NEK11: variants seen among roughly 807,000 people sequenced by gnomAD.
The protein encoded by NEK11 is NIMA related kinase 11, also known as serine/threonine-protein kinase Nek11.
NEK11 carries 72 observed loss-of-function variants against 80.7 expected under a neutral mutation model. That is an observed-to-expected ratio of 0.89 (90% CI 0.74 to 1.08). NEK11 has a LOEUF of 1.08. NEK11 is among the 50% of genes least tolerant of loss of function. The probability of loss-of-function intolerance (pLI) is 0.00; values close to 1 mark genes in which losing one functional copy is unlikely to be tolerated. For missense variants in NEK11, 764 were observed against 763.6 expected (o/e 1.00, Z -0.01); for synonymous variants, 251 against 260.7 (o/e 0.96, Z 0.36).
At chr3:131,216,973 G>T (rs2094858856) in intron 14 of NEK11, among the ~76,000 whole-genome samples, 1 of 152,264 alleles carries the variant, frequency 6.6e-6, no homozygotes, top group East Asian at 1.9e-4. Flanking sequence ...TATCATAAAA[G>T]GGGATGAGTC....
chr3:131,054,741 C>A (rs944946846), intron 3 of NEK11, among the ~76,000 whole-genome samples: 1 of 145,776 alleles, frequency 6.9e-6, no homozygotes, highest in Non-Finnish European at 1.5e-5. Context: ...TGGGTGACAG[C>A]CTGCCTCTAA....
chr3:131,059,676 A>G (rs2070439036), intron 3 of NEK11, among the ~76,000 whole-genome samples: 1 of 152,186 alleles, frequency 6.6e-6, no homozygotes, highest in Admixed American at 6.5e-5. Flanking sequence ...TCCCATTTGC[A>G]TTGACAGATG....
chr3:131,139,879 G>A (rs568778110), intron 7 of NEK11, among the ~76,000 whole-genome samples: 2 of 152,336 alleles, frequency 1.3e-5, no homozygotes, highest in East Asian at 1.9e-4. Flanking sequence ...GCACTTTGTA[G>A]CGAGGAGCAT....
chr3:131,163,152 A>G (rs1165995354), intron 11 of NEK11, among the ~76,000 whole-genome samples: 1 of 152,264 alleles, frequency 6.6e-6, no homozygotes, highest in Admixed American at 6.5e-5. Context: ...GTAAATCAGT[A>G]CAGCCATTAT....
intron 17 of NEK11, among the ~76,000 whole-genome samples, chr3:131,287,619 C>T (rs1048545316): frequency 3.9e-5 from 6 of 151,952 alleles, no homozygotes; most frequent in Non-Finnish European, 7.4e-5. Flanking sequence ...TTTTTAAGGC[C>T]CCGGGGATAT....
At chr3:131,122,882 A>G (rs1382719621) in intron 5 of NEK11, among the ~76,000 whole-genome samples, 1 of 152,202 alleles carries the variant, frequency 6.6e-6, no homozygotes, top group Non-Finnish European at 1.5e-5. Context: ...AATTTGAACC[A>G]GAAACTGTCA....
intron 17 of NEK11, among the ~76,000 whole-genome samples, chr3:131,289,696 C>A (rs963307378): frequency 7.9e-5 from 12 of 152,200 alleles, no homozygotes; most frequent in Non-Finnish European, 1.8e-4. Flanking sequence ...GTCTCAGGTT[C>A]TAGGTGGTGT....
chr3:131,260,734 T>C (rs1177210290), intron 16 of NEK11, among the ~76,000 whole-genome samples: 1 of 152,188 alleles, frequency 6.6e-6, no homozygotes, highest in Admixed American at 6.6e-5. Flanking sequence ...GGATATACTT[T>C]TGCAATAATT....
At chr3:131,143,322 T>C (rs2087390709) in intron 7 of NEK11, among the ~76,000 whole-genome samples, 1 of 152,164 alleles carries the variant, frequency 6.6e-6, no homozygotes, top group African/African-American at 2.4e-5. Context: ...TCTTCTGTTC[T>C]CATGTCCCTT....
In NEK11 at chr3:131,136,140, C is replaced by T. The variant is rs115789388; in HGVS notation, c.647+2184C>T. 3.5e-3 allele frequency among the ~76,000 whole-genome samples: 525 copies of T among 152,128 alleles called. 1 individual carries two copies. The highest frequency in any genetic ancestry group is 0.012 in the African/African-American group (497 of 41,512). The stretch of plus-strand genomic sequence containing the variant: ...TTTCTCTGAGCATTAGGTTAGCTCT[C>T]CTTGCAGAGATTAACTTTTCAGCAA... On this transcript the variant is annotated intron_variant, in intron 7 of 17. Transcript: ENST00000383366.
chr3:131,076,600 G>A (rs757227802), intron 3 of NEK11, among the ~76,000 whole-genome samples: 7 of 152,136 alleles, frequency 4.6e-5, no homozygotes, highest in Non-Finnish European at 7.4e-5. Context: ...AAAATCCAAA[G>A]CCAAAAAGTT....
intron 12 of NEK11, 39 bp from the exon 13 acceptor site, chr3:131,168,790 GA>G: frequency 6.7e-7 from 1 of 1,500,946 alleles, no homozygotes; most frequent in African/African-American, 1.4e-5. Flanking sequence ...GAAAGACTTG[GA>G]AAACCACTGC....
At chr3:131,062,452 A>G (rs1050379762) in intron 3 of NEK11, among the ~76,000 whole-genome samples, 1 of 152,202 alleles carries the variant, frequency 6.6e-6, no homozygotes, top group Non-Finnish European at 1.5e-5. Context: ...TATAGACAAT[A>G]AAAGATACCC....
chr3:131,316,008 T>G (rs1328683801), intron 17 of NEK11, among the ~76,000 whole-genome samples: 1 of 152,164 alleles, frequency 6.6e-6, no homozygotes, highest in Non-Finnish European at 1.5e-5. Context: ...ATAAATATTT[T>G]TATGGCTTTC....
At chr3:131,297,039 A>G (rs967339308) in intron 17 of NEK11, among the ~76,000 whole-genome samples, 5 of 151,982 alleles carry the variant, frequency 3.3e-5, no homozygotes. Context: ...TATGTGCCAC[A>G]TTTTCTTAAT....
intron 14 of NEK11, among the ~76,000 whole-genome samples, chr3:131,185,492 G>A (rs535911386): frequency 9.9e-5 from 15 of 152,230 alleles, no homozygotes; most frequent in South Asian, 4.1e-4. Context: ...TTCCCATAGA[G>A]GAATCCCATA....
rs2096848041 is a variant in NEK11, at chr3:131,317,063, G to GAAA, written c.1719-32494_1719-32493insAAA. On this transcript the variant is annotated intron_variant, in intron 17 of 17. Transcript: ENST00000383366. ...AACTATTTTAATGCTGGGCCTTTAG[G>GAAA]CAATAATTTCCTTTTTGTTCATCTC... 2.6e-5 allele frequency among the ~76,000 whole-genome samples: 4 copies of GAAA among 152,226 alleles called. No homozygotes were observed. The South Asian group carries it at 8.3e-4, about 32-fold the overall frequency.
Position 131,161,106 on chromosome 3 carries a change from G to C in NEK11, c.963-1302G>C, listed in dbSNP as rs576710695. 3.1e-3 allele frequency among the ~76,000 whole-genome samples: 463 copies of C among 147,738 alleles called. 2 individuals carry two copies. Among genetic ancestry groups the C allele is most frequent in the Non-Finnish European group, 5.3e-3 (356 of 67,342 alleles). On this transcript the variant is annotated intron_variant, in intron 10 of 17. Transcript: ENST00000383366. Reference sequence around the variant, plus strand: ...GCTGAGGTTGGAGTGAGCCGAAATCGTGCCACCGCACTGCAGCCTGGCAAC... The same window carrying C: ...GCTGAGGTTGGAGTGAGCCGAAATCCTGCCACCGCACTGCAGCCTGGCAAC...
At chr3:131,091,017 G>A (rs1176588632) in intron 4 of NEK11, among the ~76,000 whole-genome samples, 1 of 152,176 alleles carries the variant, frequency 6.6e-6, no homozygotes, top group East Asian at 1.9e-4. Context: ...TCCTACCTCA[G>A]CCACCTGAAT....
Sources: allele counts gnomAD v4.1 joint callset (sites outside exome capture counted in the v4.1 genomes callset), GRCh38; gene constraint gnomAD v4.1.1; transcripts MANE v1.5; gene names NCBI Gene and HGNC (gene_info 2026-07-23, HGNC 2026-07-21).